ICMT: variants seen among roughly 807,000 people sequenced by gnomAD.
ICMT encodes isoprenylcysteine carboxyl methyltransferase.
In ICMT, 10 loss-of-function variants were observed where a neutral mutation model predicts 32.2. The ratio of observed to expected loss-of-function variants is 0.31; its 90% CI spans 0.19 to 0.53. The LOEUF (loss-of-function observed/expected upper bound fraction) is 0.53. Ranked by LOEUF, ICMT falls within the 20% of genes least tolerant of loss-of-function variation. The pLI, the probability that ICMT is intolerant of heterozygous loss-of-function variation, is 0.96. For missense variants in ICMT, 265 were observed against 356.9 expected (o/e 0.74, Z 2.07); for synonymous variants, 183 against 158.2 (o/e 1.16, Z -1.18).
rs1340820908 is a variant in ICMT, at chr1:6,235,783, C to A, written c.129G>T (p.Gly43=). The A allele has an allele frequency of 6.0e-6, 8 of 1,335,014 alleles. No homozygotes were observed. Among genetic ancestry groups the A allele is most frequent in the South Asian group, 1.5e-5 (1 of 64,586 alleles). The allele number at this position is 1,335,014 out of a possible 1,614,324, so 82.7% of individuals were successfully genotyped here. Residue 43 remains glycine, a synonymous_variant, in exon 1 of 5, where the codon GGG becomes GGT. Transcript: ENST00000343813. The part of the protein sequence containing the change: ...LTRAGLQGRT[G]LALYVAGLNA... Reference sequence around the variant, plus strand: ...TGAGCCCGGCCACGTAGAGCGCCAGCCCGGTGCGGCCCTGCAGGCCGGCGC... The same window carrying A: ...TGAGCCCGGCCACGTAGAGCGCCAGACCGGTGCGGCCCTGCAGGCCGGCGC...
intron 1 of ICMT, among the ~76,000 whole-genome samples, chr1:6,235,247 C>T (rs367569358): frequency 2.9e-4 from 44 of 152,300 alleles, no homozygotes; most frequent in Middle Eastern, 3.4e-3. Context: ...TAAGGATTAC[C>T]CACGTAAAAC....
Position 6,222,356 on chromosome 1 carries a change from G to C in ICMT, c.*2724C>G, listed in dbSNP as rs1668568904. 1.3e-5 allele frequency: 2 copies of C among 152,640 alleles called. No individual in the cohort carries two copies. The highest frequency in any genetic ancestry group is 4.1e-4 in the South Asian group (2 of 4,840). 9.5% of individuals were successfully genotyped at this position (152,640 alleles called of 1,614,324 possible). On this transcript the variant is annotated 3_prime_UTR_variant, in exon 5 of 5. Coordinates refer to ENST00000343813, the MANE Select transcript of ICMT (RefSeq NM_012405.4). Reference sequence around the variant, plus strand: ...GAGAATCGCTTGAACCCGGGAGGCAGAGGTTGCGGTGAGCCGAAATGGTGC... The same window carrying C: ...GAGAATCGCTTGAACCCGGGAGGCACAGGTTGCGGTGAGCCGAAATGGTGC...
At chr1:6,232,520 C>T (rs766823168) in intron 3 of ICMT, among the ~76,000 whole-genome samples, 1 of 152,210 alleles carries the variant, frequency 6.6e-6, no homozygotes, top group Non-Finnish European at 1.5e-5. Flanking sequence ...GGCTGTGAGA[C>T]ATTCAATTTC....
chr1:6,233,980 C>G (rs1255396465), intron 2 of ICMT, among the ~76,000 whole-genome samples: 2 of 152,190 alleles, frequency 1.3e-5, no homozygotes, highest in African/African-American at 4.8e-5. Context: ...TCTCAAGTAG[C>G]TCAGACTACA....
In ICMT at chr1:6,233,505, T is replaced by C. The variant is rs1242540365; in HGVS notation, c.423A>G (p.Leu141=). The change falls in exon 3 of 5, where the codon TTA becomes TTG. Residue 141 remains leucine (L), a synonymous_variant. Transcript: ENST00000343813. ...AAAAGATATTTTCAAGTGTGAACTC[T>C]AACCAAGAAGAAAGAGCAGCTACTG... The part of the protein sequence containing the change: ...EYTVAALSSW[L]EFTLENIFWP... 2 of 1,613,944 alleles carry C rather than the reference T, an allele frequency of 1.2e-6. No homozygotes were observed. Among genetic ancestry groups the C allele is most frequent in the South Asian group, 2.2e-5 (2 of 91,012 alleles).
rs2100955613 is a variant in ICMT at position 6,222,174 on chromosome 1, A to G, written c.*2906T>C. On this transcript the variant is annotated 3_prime_UTR_variant, in exon 5 of 5. Coordinates refer to ENST00000343813, the MANE Select transcript of ICMT (RefSeq NM_012405.4). ...GGTGGCTCACGCCTGTAATCCCAGCACTTTGGGAGGCCGAGGCGCGTGGAT... is the reference window on the plus strand; with the variant it reads ...GGTGGCTCACGCCTGTAATCCCAGCGCTTTGGGAGGCCGAGGCGCGTGGAT... The G allele has an allele frequency of 6.6e-6, 1 of 152,348 alleles. No individual in the cohort carries two copies. The highest frequency in any genetic ancestry group is 1.9e-4 in the East Asian group (1 of 5,176). 9.4% of individuals were successfully genotyped at this position (152,348 alleles called of 1,614,324 possible).
Position 6,233,517 on chromosome 1 carries a change from A to C in ICMT, c.411T>G (p.Leu137=). ...NHSLEYTVAA[L]SSWLEFTLEN... is the part of the protein sequence containing the mutation. Reference sequence around the variant, plus strand: ...CAAGTGTGAACTCTAACCAAGAAGAAAGAGCAGCTACTGTATACTCCAGGC... The same window carrying C: ...CAAGTGTGAACTCTAACCAAGAAGACAGAGCAGCTACTGTATACTCCAGGC... Residue 137 remains leucine, a synonymous_variant, in exon 3 of 5, where the codon CTT becomes CTG. Transcript: ENST00000343813. 6.2e-7 allele frequency: 1 copy of C among 1,614,054 alleles called. No homozygotes were observed. Among genetic ancestry groups the C allele is most frequent in the Non-Finnish European group, 8.5e-7 (1 of 1,179,984 alleles).
intron 1 of ICMT, 119 bp downstream of exon 1, chr1:6,235,598 G>C (rs1242620287): frequency 3.1e-6 from 2 of 636,100 alleles, no homozygotes; most frequent in Non-Finnish European, 4.1e-6. Flanking sequence ...CTGAACTCGC[G>C]GATGAAGAGC....
At position 6,221,768 on chromosome 1, in the gene ICMT, C is replaced by G. The variant is rs1668556152; in HGVS notation, c.*3312G>C. On this transcript the variant is annotated 3_prime_UTR_variant, in exon 5 of 5. Transcript: ENST00000343813. ...GGCAGGTGCGCTGCTGCCTTGTTTT[C>G]TGTCCTGCTAAGAGGCTCACCCCGC... 1 of 152,196 alleles carries G rather than the reference C, an allele frequency of 6.6e-6. No homozygotes were observed. Among genetic ancestry groups the G allele is most frequent in the Admixed American group, 6.5e-5 (1 of 15,272 alleles). The allele number at this position is 152,196 out of a possible 1,614,324, so 9.4% of individuals were successfully genotyped here. A position where few individuals can be genotyped will look rare whatever the true frequency, so the allele number is the denominator to read the frequency against.
Position 6,235,750 on chromosome 1 carries a change from C to T in ICMT, c.162G>A (p.Leu54=). ...GAGGCGGCCGATAGAGCAGCAGCAG[C>T]AGCGCGTTGAGCCCGGCCACGTAGA... ...LALYVAGLNA[L]LLLLYRPPRY... The change falls in exon 1 of 5, where the codon CTG becomes CTA. Residue 54 remains leucine (L), a synonymous_variant. Transcript: ENST00000343813. 1.5e-6 allele frequency: 2 copies of T among 1,335,170 alleles called. No homozygotes were observed. Among genetic ancestry groups the T allele is most frequent in the Non-Finnish European group, 1.9e-6 (2 of 1,033,566 alleles). The allele number at this position is 1,335,170 out of a possible 1,614,324, so 82.7% of individuals were successfully genotyped here. A position where few individuals can be genotyped will look rare whatever the true frequency, so the allele number is the denominator to read the frequency against.
intron 2 of ICMT, among the ~76,000 whole-genome samples, chr1:6,234,664 C>T (rs1335925644): frequency 6.6e-6 from 1 of 152,114 alleles, no homozygotes; most frequent in African/African-American, 2.4e-5. Flanking sequence ...TTGGGGGTGC[C>T]AGGGAGATCT....
At chr1:6,234,803 G>A in intron 2 of ICMT, 83 bp downstream of exon 2, 1 of 1,034,588 alleles carries the variant, frequency 9.7e-7, no homozygotes, top group Non-Finnish European at 1.5e-6. Flanking sequence ...TCACAGATGA[G>A]ACAGGGATGA....
At chr1:6,225,596 G>A (rs983958539) in intron 4 of ICMT, among the ~76,000 whole-genome samples, 1 of 151,956 alleles carries the variant, frequency 6.6e-6, no homozygotes, top group Non-Finnish European at 1.5e-5. Context: ...CTGCCTTCCT[G>A]CCCAGGACCC....
chr1:6,222,420 A>T lies in ICMT; in HGVS notation c.*2660T>A, dbSNP rs1486351816. 6.6e-6 allele frequency: 1 copy of T among 152,210 alleles called. No individual in the cohort carries two copies. Among genetic ancestry groups the T allele is most frequent in the Non-Finnish European group, 1.5e-5 (1 of 68,062 alleles). 9.4% of individuals were successfully genotyped at this position (152,210 alleles called of 1,614,324 possible). A position where few individuals can be genotyped will look rare whatever the true frequency, so the allele number is the denominator to read the frequency against. On this transcript the variant is annotated 3_prime_UTR_variant, in exon 5 of 5. Transcript: ENST00000343813. ...CCTCCAGCCTGGGCCACAGAGCAAG[A>T]CTGTCTTAAGAAAATAAAAAAAATG...
intron 4 of ICMT, 41 bp downstream of exon 4, chr1:6,231,858 TAAA>T (rs59840043): frequency 8.8e-5 from 91 of 1,036,252 alleles, no homozygotes; most frequent in South Asian, 1.3e-4. Context: ...AAATGTTACT[TAAA>T]AAAAAAAAAA....
rs1227473377 is a variant in ICMT at position 6,221,926 on chromosome 1, C to G, written c.*3154G>C. The G allele has an allele frequency of 6.6e-6, 1 of 152,200 alleles. No homozygotes were observed. The allele number at this position is 152,200 out of a possible 1,614,324, so 9.4% of individuals were successfully genotyped here. A position where few individuals can be genotyped will look rare whatever the true frequency, so the allele number is the denominator to read the frequency against. On this transcript the variant is annotated 3_prime_UTR_variant, in exon 5 of 5. Transcript: ENST00000343813. The stretch of plus-strand genomic sequence containing the variant: ...TTCAGAATCTCCACTTTAAAACCTG[C>G]AATGGAAAAATAAATCTCTTGACAG...
At chr1:6,235,622 G>A (rs920510223) in intron 1 of ICMT, 95 bp downstream of exon 1, 3 of 821,670 alleles carry the variant, frequency 3.7e-6, no homozygotes, top group Middle Eastern at 5.0e-4. Flanking sequence ...CGCGTGGGAG[G>A]CCACTGCGGG....
At chr1:6,235,589 T>C (rs1265399109) in intron 1 of ICMT, 128 bp downstream of exon 1, 3 of 557,318 alleles carry the variant, frequency 5.4e-6, no homozygotes, top group African/African-American at 2.0e-5. Flanking sequence ...TCCTGCGACC[T>C]GAACTCGCGG....
chr1:6,235,767 C>A lies in ICMT; in HGVS notation c.145G>T (p.Ala49Ser), dbSNP rs868847857. 1 of 1,343,292 alleles carries A rather than the reference C, an allele frequency of 7.4e-7. No homozygotes were observed. Among genetic ancestry groups the A allele is most frequent in the Non-Finnish European group, 9.6e-7 (1 of 1,037,782 alleles). 83.2% of individuals were successfully genotyped at this position (1,343,292 alleles called of 1,614,324 possible). ...AGCAGCAGCAGCGCGTTGAGCCCGG[C>A]CACGTAGAGCGCCAGCCCGGTGCGG... is the stretch of plus-strand genomic sequence containing the variant. ...QGRTGLALYV[A>S]GLNALLLLLY... Residue 49 changes from alanine to serine, a missense_variant, in exon 1 of 5, where the codon GCC becomes TCC. This residue lies in a region of ICMT where 99 missense variants were observed against 92.6 expected (regional missense o/e 1.07). Coordinates refer to ENST00000343813, the MANE Select transcript of ICMT (RefSeq NM_012405.4).
Sources: allele counts gnomAD v4.1 joint callset (sites outside exome capture counted in the v4.1 genomes callset), GRCh38; gene constraint gnomAD v4.1.1; regional missense constraint gnomAD v4.1.1; transcripts MANE v1.5; gene names NCBI Gene and HGNC (gene_info 2026-07-23, HGNC 2026-07-21).